DNAH11: variants seen among roughly 807,000 people sequenced by gnomAD.
DNAH11 encodes the protein axonemal beta dynein heavy chain 11.
Under a neutral mutation model 526.0 loss-of-function variants are expected in DNAH11, and 442 were observed. The observed-to-expected ratio is 0.84, with a 90% CI of 0.78 to 0.91. The LOEUF is 0.91. DNAH11 is among the 40% of genes least tolerant of loss of function. The probability of loss-of-function intolerance (pLI) is 0.00; values close to 1 mark genes in which losing one functional copy is unlikely to be tolerated. For missense variants in DNAH11, 6,989 were observed against 5,448.7 expected, an observed-to-expected ratio of 1.28 and a Z score of -8.90; for synonymous variants, 2,461 against 1,935.9, an observed-to-expected ratio of 1.27 and a Z score of -7.12.
chr7:21,606,618 T>C, intron 19 of DNAH11, 29 bp from the exon 20 acceptor site: 24 of 1,173,220 alleles, frequency 2.0e-5, no homozygotes, highest in Non-Finnish European at 2.5e-5. Context: ...AAATTCACTT[T>C]TTTTTTTTTT....
In DNAH11 at chr7:21,790,307, G is replaced by A. The variant is rs147358435; in HGVS notation, c.10026+965G>A. 4.9e-3 allele frequency among the ~76,000 whole-genome samples: 741 copies of A among 152,044 alleles called. 8 individuals carry two copies. The highest frequency in any genetic ancestry group is 0.017 in the African/African-American group (723 of 41,474). ...TAAAAATACAAAAAGAAATTTAGCC[G>A]GGCGTCATGGCGGGTGACTGTAGTC... On this transcript the variant is annotated intron_variant, in intron 61 of 81. Transcript: ENST00000409508.
At chr7:21,759,677 A>G (rs1037122828) in intron 54 of DNAH11, among the ~76,000 whole-genome samples, 1 of 150,164 alleles carries the variant, frequency 6.7e-6, no homozygotes. Context: ...AATAAACTAT[A>G]TCAACTGGAA....
chr7:21,771,835 C>T (rs968868702), intron 55 of DNAH11, among the ~76,000 whole-genome samples: 5 of 142,328 alleles, frequency 3.5e-5, no homozygotes, highest in Middle Eastern at 3.5e-3. Flanking sequence ...TCTCAATTCT[C>T]CCCCAACGCC....
chr7:21,687,179 A>C lies in DNAH11; in HGVS notation c.5702A>C (p.Glu1901Ala), dbSNP rs750672801. The change falls in exon 33 of 82, where the codon GAG (glutamate) becomes GCG (alanine). Residue 1901 changes from glutamate to alanine, a missense_variant. Coordinates refer to ENST00000409508, the MANE Select transcript of DNAH11 (RefSeq NM_001277115.2). ...GGCCCAGCTGGTACCGGGAAAACAG[A>C]GACCACCAAAGACCTAGGACGTGCC... Reference protein sequence around the residue: ...PAGPAGTGKTETTKDLGRALG... With the variant: ...PAGPAGTGKTATTKDLGRALG... The C allele has an allele frequency of 2.1e-5, 34 of 1,612,402 alleles. No individual in the cohort carries two copies. In the East Asian group the frequency reaches 6.0e-4, roughly 29 times the overall value.
chr7:21,683,933 TCTAA>T lies in DNAH11; in HGVS notation c.5613_5616del (p.Asp1873GlyfsTer6), dbSNP rs753074450. 12 of 1,613,192 alleles carry T rather than the reference TCTAA, an allele frequency of 7.4e-6. No individual in the cohort carries two copies. The highest frequency in any genetic ancestry group is 2.2e-5 in the East Asian group (1 of 44,854). The stretch of plus-strand genomic sequence containing the variant: ...ACAGCCCTCGACTAGTGATCACTCC[TCTAA>T]CTGACAGGTAACAATTCAAAGTTTC... On this transcript the variant is annotated frameshift_variant, in exon 32 of 82. Transcript: ENST00000409508. LOFTEE classifies it high-confidence loss of function.
chr7:21,720,987 A>T, intron 44 of DNAH11, 131 bp downstream of exon 44: 1 of 1,161,710 alleles, frequency 8.6e-7, no homozygotes, highest in Middle Eastern at 2.3e-4. Context: ...GTTCTCTCCT[A>T]AGTCTATGCA....
In DNAH11 at chr7:21,717,833, A is replaced by G; in HGVS notation, c.7042A>G (p.Ile2348Val). The G allele has an allele frequency of 6.2e-7, 1 of 1,613,858 alleles. No individual in the cohort carries two copies. Among genetic ancestry groups the G allele is most frequent in the Non-Finnish European group, 8.5e-7 (1 of 1,179,824 alleles). Reference protein sequence around the residue: ...RHQSEKANLTILFDKYVPACL... With the variant: ...RHQSEKANLTVLFDKYVPACL... ...TCAATCAGAAAAGGCCAATTTGACT[A>G]TTCTTTTTGATAAATATGTCCCTGC... Residue 2348 changes from isoleucine to valine, a missense_variant, in exon 43 of 82, where the codon ATT (isoleucine) becomes GTT (valine). Coordinates refer to ENST00000409508, the MANE Select transcript of DNAH11 (RefSeq NM_001277115.2).
chr7:21,813,576 T>C (rs972038513), intron 63 of DNAH11, among the ~76,000 whole-genome samples: 3 of 152,166 alleles, frequency 2.0e-5, no homozygotes, highest in African/African-American at 7.2e-5. Flanking sequence ...AATATGCCAG[T>C]TGGTCAGTTT....
chr7:21,899,960 T>C lies in DNAH11; in HGVS notation c.13163-20T>C. The C allele has an allele frequency of 1.2e-6, 2 of 1,612,928 alleles. No individual in the cohort carries two copies. The highest frequency in any genetic ancestry group is 1.7e-6 in the Non-Finnish European group (2 of 1,179,418). On this transcript the variant is annotated intron_variant, in intron 80 of 81. Coordinates refer to ENST00000409508, the MANE Select transcript of DNAH11 (RefSeq NM_001277115.2). ...CATGCAACACTTTTATCCTATTCAA[T>C]TTTTGTTATATTTCCAAAGCAATCA...
chr7:21,749,903 C>T lies in DNAH11; in HGVS notation c.8797+102C>T, dbSNP rs558170622. The T allele has an allele frequency of 4.5e-6, 7 of 1,544,664 alleles. No homozygotes were observed. The Admixed American group carries it at 7.3e-5, about 16-fold the overall frequency. On this transcript the variant is annotated intron_variant, in intron 53 of 81. Coordinates refer to ENST00000409508, the MANE Select transcript of DNAH11 (RefSeq NM_001277115.2). ...AGAGAATTCGTCTTTGAGATGTTTG[C>T]TGGGCAGTCTTTGGGGAGAAACCTA...
intron 79 of DNAH11, among the ~76,000 whole-genome samples, chr7:21,896,425 C>T (rs569524691): frequency 6.6e-6 from 1 of 152,224 alleles, no homozygotes; most frequent in African/African-American, 2.4e-5. Context: ...GGTTTTCTAG[C>T]TTTGATTGTA....
chr7:21,899,961 T>A lies in DNAH11; in HGVS notation c.13163-19T>A, dbSNP rs72658832. 4.1e-3 allele frequency: 6,570 copies of A among 1,612,826 alleles called. 30 individuals carry two copies. Among genetic ancestry groups the A allele is most frequent in the Middle Eastern group, 8.3e-3 (50 of 6,052 alleles). ...ATGCAACACTTTTATCCTATTCAAT[T>A]TTTGTTATATTTCCAAAGCAATCAT... On this transcript the variant is annotated intron_variant, in intron 80 of 81. Transcript: ENST00000409508.
At chr7:21,684,035 A>T in intron 32 of DNAH11, 91 bp downstream of exon 32, 1 of 1,300,728 alleles carries the variant, frequency 7.7e-7, no homozygotes, top group Non-Finnish European at 1.1e-6. Context: ...AGAGGAAACG[A>T]TGAACAATGA....
At chr7:21,805,828 G>C (rs768226249) in intron 62 of DNAH11, among the ~76,000 whole-genome samples, 1 of 152,178 alleles carries the variant, frequency 6.6e-6, no homozygotes, top group East Asian at 1.9e-4. Context: ...GAAGATGTCA[G>C]ATCTTTTTCT....
Position 21,717,862 on chromosome 7 carries a change from C to G in DNAH11, c.7071C>G (p.Cys2357Trp), listed in dbSNP as rs1784724401. 2 of 1,613,874 alleles carry G rather than the reference C, an allele frequency of 1.2e-6. No individual in the cohort carries two copies. Among genetic ancestry groups the G allele is most frequent in the African/African-American group, 1.3e-5 (1 of 75,042 alleles). ...TTTTTGATAAATATGTCCCTGCATG[C>G]TTGGATAAACTGAGAACAAGCTTTA... The part of the protein sequence containing the change: ...TILFDKYVPA[C>W]LDKLRTSFKT... Residue 2357 changes from cysteine to tryptophan, a missense_variant, in exon 43 of 82, where the codon TGC (cysteine) becomes TGG (tryptophan). Transcript: ENST00000409508.
intron 51 of DNAH11, among the ~76,000 whole-genome samples, chr7:21,747,597 G>C (rs540539230): frequency 6.6e-6 from 1 of 152,208 alleles, no homozygotes; most frequent in East Asian, 1.9e-4. Flanking sequence ...GTAAAATATA[G>C]CATAATATAA....
intron 57 of DNAH11, among the ~76,000 whole-genome samples, chr7:21,780,076 G>C (rs1212649985): frequency 1.3e-5 from 2 of 151,678 alleles, no homozygotes; most frequent in Non-Finnish European, 2.9e-5. Context: ...ACAACTAAAG[G>C]CTTGAAAAGT....
At chr7:21,858,181 C>G (rs1399629490) in intron 68 of DNAH11, among the ~76,000 whole-genome samples, 1 of 152,150 alleles carries the variant, frequency 6.6e-6, no homozygotes, top group Non-Finnish European at 1.5e-5. Flanking sequence ...AGAATGAGGT[C>G]TTATTCTATG....
At chr7:21,550,785 T>C (rs529643880) in intron 2 of DNAH11, among the ~76,000 whole-genome samples, 1 of 152,194 alleles carries the variant, frequency 6.6e-6, no homozygotes, top group Non-Finnish European at 1.5e-5. Flanking sequence ...TTTGACCACA[T>C]TCCCAGTGGT....
Sources: gnomAD v4.1 joint callset for allele counts (sites outside exome capture counted in the v4.1 genomes callset) on GRCh38, gnomAD v4.1.1 for gene constraint, MANE v1.5 for transcripts, NCBI Gene and HGNC (gene_info 2026-07-23, HGNC 2026-07-21) for gene names.